Variants in NAPG observed in about 807,000 individuals in gnomAD.
NAPG encodes the protein NSF attachment protein gamma.
Under a neutral mutation model 48.4 loss-of-function variants are expected in NAPG, and 25 were observed. The observed-to-expected ratio is 0.52, with a 90% CI of 0.38 to 0.72. The LOEUF (loss-of-function observed/expected upper bound fraction) is 0.72. NAPG is among the 30% of genes least tolerant of loss of function. The pLI is 0.00. For missense variants in NAPG, 359 were observed against 372.5 expected (o/e 0.96, Z 0.30); for synonymous variants, 139 against 127.2 (o/e 1.09, Z -0.62).
At chr18:10,540,920 T>G (rs1817227496) in intron 8 of NAPG, 1 of 151,954 alleles carries the variant, frequency 6.6e-6, no homozygotes, top group Admixed American at 6.6e-5. Flanking sequence ...CTCAGTTTAC[T>G]TTTAGTAAAC....
Position 10,542,417 on chromosome 18 carries a change from A to G in NAPG, c.506+2018A>G, listed in dbSNP as rs2032174644. Among the ~76,000 whole-genome samples the G allele has an allele frequency of 6.6e-6, 1 of 152,236 alleles. No homozygotes were observed. The highest frequency in any genetic ancestry group is 1.5e-5 in the Non-Finnish European group (1 of 68,030). ...TGGGTATCTTGGTATGAAAAAATTA[A>G]GTCTACTGTCATGGTACTTCTATTG... On this transcript the variant is annotated intron_variant, in intron 8 of 11. Transcript: ENST00000322897. This position sits in a 1 kb window ranked among gnomAD's most constrained non-coding sequence, Gnocchi z 4.5.
At position 10,532,757 on chromosome 18, in the gene NAPG, C is replaced by T; in HGVS notation, c.171C>T (p.Ala57=). 6.3e-7 allele frequency: 1 copy of T among 1,592,848 alleles called. No individual in the cohort carries two copies. The highest frequency in any genetic ancestry group is 1.3e-5 in the African/African-American group (1 of 74,442). ...NAKQFEQAKD[A]CLREAVAHEN... ...AACAGTTTGAGCAAGCAAAAGATGC[C>T]TGCCTGAGGGAAGCTGTTGCCCATG... is the stretch of plus-strand genomic sequence containing the variant. The change falls in exon 3 of 12, where the codon GCC becomes GCT. Residue 57 remains alanine (A), a synonymous_variant. Transcript: ENST00000322897.
At position 10,546,978 on chromosome 18, in the gene NAPG, G is replaced by A. The variant is rs2032280642; in HGVS notation, c.585+574G>A. The stretch of plus-strand genomic sequence containing the variant: ...CTTTTGCCAGAGGAACTAGGAAAAT[G>A]AGCTAGAGAGCAAGGAGAAAATTCC... On this transcript the variant is annotated intron_variant, in intron 9 of 11. Transcript: ENST00000322897. The surrounding 1 kb of genome is among the most constrained non-coding windows in gnomAD (Gnocchi z 4.0). 6.6e-6 allele frequency among the ~76,000 whole-genome samples: 1 copy of A among 152,174 alleles called. No individual in the cohort carries two copies. The highest frequency in any genetic ancestry group is 1.5e-5 in the Non-Finnish European group (1 of 68,040).
rs1305756338 is a variant in NAPG at position 10,552,428 on chromosome 18, A to G, written c.*2208A>G. On this transcript the variant is annotated 3_prime_UTR_variant, in exon 12 of 12. Coordinates refer to ENST00000322897, the MANE Select transcript of NAPG (RefSeq NM_003826.3). Reference sequence around the variant, plus strand: ...CACTCACGTAAGTTTCTATCTTGAGAGCATAGTCCAAAGTGCAAAACTTGG... The same window carrying G: ...CACTCACGTAAGTTTCTATCTTGAGGGCATAGTCCAAAGTGCAAAACTTGG... The G allele has an allele frequency of 6.6e-6, 1 of 152,204 alleles. No homozygotes were observed. The highest frequency in any genetic ancestry group is 2.4e-5 in the African/African-American group (1 of 41,426). The allele number at this position is 152,204 out of a possible 1,614,324, so 9.4% of individuals were successfully genotyped here.
chr18:10,540,425 G>A (rs1248285786), intron 8 of NAPG, 26 bp downstream of exon 8: 1 of 1,581,262 alleles, frequency 6.3e-7, no homozygotes, highest in East Asian at 2.2e-5. Flanking sequence ...CTATTGCTGT[G>A]TGTTTAACTA....
At chr18:10,541,812 A>G (rs963056559) in intron 8 of NAPG, among the ~76,000 whole-genome samples, 1 of 152,240 alleles carries the variant, frequency 6.6e-6, no homozygotes, top group African/African-American at 2.4e-5. Flanking sequence ...TCCAGACTGC[A>G]TCAGCTCCCC....
intron 1 of NAPG, 80 bp downstream of exon 1, chr18:10,526,238 G>GGCTTTTCCCC: frequency 1.2e-6 from 1 of 858,074 alleles, no homozygotes; most frequent in Non-Finnish European, 1.9e-6. Context: ...CCCGGGGGGG[G>GGCTTTTCCCC]CGGGAGGGAG....
chr18:10,539,344 T>A lies in NAPG; in HGVS notation c.259-418T>A, dbSNP rs2032098761. On this transcript the variant is annotated intron_variant, in intron 5 of 11. Transcript: ENST00000322897. This position sits in a 1 kb window ranked among gnomAD's most constrained non-coding sequence, Gnocchi z 4.7. ...TATGCAGCTGTAAAAAAGAATGAGA[T>A]CATGTCCTTTGCAGGGACATGGATG... The A allele has an allele frequency of 5.5e-6, 1 of 180,728 alleles. No homozygotes were observed. The highest frequency in any genetic ancestry group is 5.5e-5 in the Admixed American group (1 of 18,174). 11.2% of individuals were successfully genotyped at this position (180,728 alleles called of 1,614,324 possible).
At chr18:10,526,197 G>C in intron 1 of NAPG, 39 bp downstream of exon 1, 1 of 1,581,436 alleles carries the variant, frequency 6.3e-7, no homozygotes, top group South Asian at 1.1e-5. Context: ...TGTAGACGCC[G>C]GGTCCGTCTC....
In NAPG at chr18:10,551,363, A is replaced by G. The variant is rs1282100873; in HGVS notation, c.*1143A>G. On this transcript the variant is annotated 3_prime_UTR_variant, in exon 12 of 12. Coordinates refer to ENST00000322897, the MANE Select transcript of NAPG (RefSeq NM_003826.3). ...TTATTTTGATTGTAACTCCGTCATAACTTGACATGGAAAATGCTATATACT... is the reference window on the plus strand; with the variant it reads ...TTATTTTGATTGTAACTCCGTCATAGCTTGACATGGAAAATGCTATATACT... 4 of 152,230 alleles carry G rather than the reference A, an allele frequency of 2.6e-5. No individual in the cohort carries two copies. Among genetic ancestry groups the G allele is most frequent in the African/African-American group, 9.6e-5 (4 of 41,454 alleles). 9.4% of individuals were successfully genotyped at this position (152,230 alleles called of 1,614,324 possible). A position where few individuals can be genotyped will look rare whatever the true frequency, so the allele number is the denominator to read the frequency against.
Position 10,550,170 on chromosome 18 carries a change from G to GC in NAPG, c.891dup (p.Thr298HisfsTer4), listed in dbSNP as rs1567895622. ...ACAGGCCAAGCCTGATGGTGTCACT[G>GC]CCACGGCTGCTGATGAAGAGGAAGA... On this transcript the variant is annotated frameshift_variant, in exon 12 of 12. Coordinates refer to ENST00000322897, the MANE Select transcript of NAPG (RefSeq NM_003826.3). LOFTEE classifies it high-confidence loss of function. The GC allele has an allele frequency of 6.3e-7, 1 of 1,588,564 alleles. No homozygotes were observed. The highest frequency in any genetic ancestry group is 8.6e-7 in the Non-Finnish European group (1 of 1,169,470).
At chr18:10,532,979 C>T in intron 3 of NAPG, 184 bp downstream of exon 3, 2 of 549,390 alleles carry the variant, frequency 3.6e-6, no homozygotes. Context: ...ATTATAAGGT[C>T]CACACTGGTT....
intron 1 of NAPG, 57 bp downstream of exon 1, chr18:10,526,215 C>A (rs1434319358): frequency 2.2e-6 from 2 of 919,608 alleles, no homozygotes; most frequent in Non-Finnish European, 3.4e-6. Flanking sequence ...CTCTCACTGG[C>A]GCGGCCTTAG....
In NAPG at chr18:10,532,642, G is replaced by A; in HGVS notation, c.125-69G>A. ...ATGTTTATAATACTTCATATAAAATGCAGATTTCAGTAATGATTCATTTGA... is the reference window on the plus strand; with the variant it reads ...ATGTTTATAATACTTCATATAAAATACAGATTTCAGTAATGATTCATTTGA... On this transcript the variant is annotated intron_variant, in intron 2 of 11. Transcript: ENST00000322897. The A allele has an allele frequency of 2.6e-6, 3 of 1,160,116 alleles. No homozygotes were observed. In the South Asian group the frequency reaches 4.3e-5, roughly 17 times the overall value. The allele number at this position is 1,160,116 out of a possible 1,614,324, so 71.9% of individuals were successfully genotyped here.
chr18:10,550,347 T>A lies in NAPG; in HGVS notation c.*127T>A. 1 of 975,326 alleles carries A rather than the reference T, an allele frequency of 1.0e-6. No homozygotes were observed. Among genetic ancestry groups the A allele is most frequent in the Non-Finnish European group, 1.4e-6 (1 of 697,330 alleles). The allele number at this position is 975,326 out of a possible 1,614,324, so 60.4% of individuals were successfully genotyped here. ...CATGATTTTGGATCCTAATAAAGAC[T>A]AGTTTTTAGTTACCATCTTCCCAAA... On this transcript the variant is annotated 3_prime_UTR_variant, in exon 12 of 12. Coordinates refer to ENST00000322897, the MANE Select transcript of NAPG (RefSeq NM_003826.3).
intron 1 of NAPG, 81 bp downstream of exon 1, chr18:10,526,239 CGGGA>C: frequency 1.1e-5 from 4 of 349,038 alleles, no homozygotes; most frequent in East Asian, 6.8e-5. Flanking sequence ...CCGGGGGGGG[CGGGA>C]GGGAGGGCTC....
Position 10,532,806 on chromosome 18 carries a change from C to A in NAPG, c.209+11C>A. On this transcript the variant is annotated intron_variant, in intron 3 of 11. Coordinates refer to ENST00000322897, the MANE Select transcript of NAPG (RefSeq NM_003826.3). ...TGAAAATAATAGGGCGTATCTTTTTCAACTTTTAAAAAGAAATTAAACAAT... is the reference window on the plus strand; with the variant it reads ...TGAAAATAATAGGGCGTATCTTTTTAAACTTTTAAAAAGAAATTAAACAAT... The A allele has an allele frequency of 3.9e-6, 6 of 1,530,670 alleles. No homozygotes were observed. The highest frequency in any genetic ancestry group is 5.3e-6 in the Non-Finnish European group (6 of 1,135,040). 94.8% of individuals were successfully genotyped at this position (1,530,670 alleles called of 1,614,324 possible).
intron 5 of NAPG, among the ~76,000 whole-genome samples, chr18:10,537,605 C>T (rs2032062574): frequency 6.6e-6 from 1 of 152,096 alleles, no homozygotes; most frequent in African/African-American, 2.4e-5. Flanking sequence ...CAGTTGTATT[C>T]TTTAAAAGCC....
chr18:10,527,547 C>T (rs2031844193), intron 1 of NAPG, among the ~76,000 whole-genome samples: 1 of 152,070 alleles, frequency 6.6e-6, no homozygotes, highest in Non-Finnish European at 1.5e-5. Context: ...GAATAGGGAC[C>T]ACAAAAAAGC....
Sources: allele counts gnomAD v4.1 joint callset (sites outside exome capture counted in the v4.1 genomes callset), GRCh38; gene constraint gnomAD v4.1.1; non-coding constraint Gnocchi (gnomAD v3.1); transcripts MANE v1.5; gene names NCBI Gene and HGNC (gene_info 2026-07-23, HGNC 2026-07-21).